The following L3MBTL4 variants were observed in gnomAD, a reference collection of about 807,000 sequenced individuals.
The protein encoded by L3MBTL4 is lethal(3)malignant brain tumor-like protein 4.
A neutral mutation model predicts 84.5 loss-of-function variants in L3MBTL4; 70 were observed. The observed-to-expected ratio is 0.83, with a 90% CI of 0.68 to 1.01. The LOEUF is 1.01. Among genes scored for constraint, L3MBTL4 ranks in the 50% least tolerant of loss-of-function variants. The pLI is 0.00. For synonymous variants in L3MBTL4, 274 were observed against 259.8 expected, an observed-to-expected ratio of 1.05 and a Z score of -0.52; for missense variants, 715 against 754.8, an observed-to-expected ratio of 0.95 and a Z score of 0.62.
intron 16 of L3MBTL4, among the ~76,000 whole-genome samples, chr18:5,990,052 A>G (rs747825354): frequency 8.5e-5 from 13 of 152,332 alleles, no homozygotes; most frequent in Admixed American, 5.2e-4. Flanking sequence ...CCTCAAGATA[A>G]GCAGGCTCAA....
intron 14 of L3MBTL4, among the ~76,000 whole-genome samples, chr18:6,099,584 A>AC (rs1412679104): frequency 1.9e-5 from 1 of 53,152 alleles, no homozygotes; most frequent in Non-Finnish European, 3.1e-5. Context: ...TAGATAATGT[A>AC]AATATATATA....
chr18:6,324,642 G>A (rs553752530), intron 1 of L3MBTL4, among the ~76,000 whole-genome samples: 114 of 152,314 alleles, frequency 7.5e-4, no homozygotes, highest in Admixed American at 1.6e-3. Flanking sequence ...TCACGCTTTA[G>A]TTAGCCTCTG....
intron 13 of L3MBTL4, among the ~76,000 whole-genome samples, chr18:6,169,282 G>T (rs1021853625): frequency 5.5e-4 from 83 of 152,228 alleles, no homozygotes; most frequent in Admixed American, 8.5e-4. Context: ...AATTCCTCAG[G>T]GATCTGGAAC....
chr18:6,237,542 G>A (rs370060300), intron 10 of L3MBTL4, among the ~76,000 whole-genome samples: 6 of 128,914 alleles, frequency 4.7e-5, no homozygotes, highest in East Asian at 5.3e-4. Context: ...TGCAACCTCC[G>A]CCTCCCAGGT....
At chr18:6,016,651 C>T (rs2054995811) in intron 16 of L3MBTL4, among the ~76,000 whole-genome samples, 1 of 152,172 alleles carries the variant, frequency 6.6e-6, no homozygotes, top group Non-Finnish European at 1.5e-5. Context: ...TCTGAGTCTC[C>T]AAAGTCTATT....
At chr18:6,163,272 G>GGGGGGT (rs1243686744) in intron 13 of L3MBTL4, among the ~76,000 whole-genome samples, 3 of 94,816 alleles carry the variant, frequency 3.2e-5, no homozygotes, top group Non-Finnish European at 6.1e-5. Flanking sequence ...GGGGGGGGTG[G>GGGGGGT]GTGTGTGTGT....
At chr18:6,311,960 G>T in intron 2 of L3MBTL4, 38 bp downstream of exon 2, 1 of 243,170 alleles carries the variant, frequency 4.1e-6, no homozygotes, top group South Asian at 5.7e-5. Context: ...AACCAATTAG[G>T]ATTCACTGCA....
intron 12 of L3MBTL4, among the ~76,000 whole-genome samples, chr18:6,205,791 G>C (rs899379503): frequency 1.3e-5 from 2 of 152,184 alleles, no homozygotes; most frequent in African/African-American, 4.8e-5. Flanking sequence ...TAAAAATAGA[G>C]TGCCTACAAA....
intron 16 of L3MBTL4, among the ~76,000 whole-genome samples, chr18:6,077,811 A>G (rs993075909): frequency 4.6e-5 from 7 of 151,622 alleles, no homozygotes; most frequent in African/African-American, 1.7e-4. Context: ...TCAGTGGATC[A>G]CGAGGTCAGG....
chr18:6,169,268 T>C (rs1055924682), intron 13 of L3MBTL4, among the ~76,000 whole-genome samples: 3 of 152,194 alleles, frequency 2.0e-5, no homozygotes, highest in Non-Finnish European at 4.4e-5. Context: ...GAAGACAGGG[T>C]GGCAATTCCT....
chr18:5,978,099 G>C (rs144702860), intron 16 of L3MBTL4, among the ~76,000 whole-genome samples: 116 of 152,314 alleles, frequency 7.6e-4, no homozygotes, highest in Non-Finnish European at 1.4e-3. Flanking sequence ...GTACTGCAGG[G>C]ATAGATAAGG....
intron 16 of L3MBTL4, among the ~76,000 whole-genome samples, chr18:5,998,765 G>A (rs1467321283): frequency 2.0e-5 from 3 of 152,022 alleles, no homozygotes; most frequent in Non-Finnish European, 4.4e-5. Flanking sequence ...GGATCCCTAA[G>A]GGTCAGGTAA....
chr18:6,128,533 G>C (rs1174361030), intron 14 of L3MBTL4, among the ~76,000 whole-genome samples: 1 of 152,016 alleles, frequency 6.6e-6, no homozygotes, highest in African/African-American at 2.4e-5. Context: ...TCCCATGGGT[G>C]GATTTAAATT....
intron 10 of L3MBTL4, among the ~76,000 whole-genome samples, chr18:6,237,531 C>T (rs1204216378): frequency 7.0e-6 from 1 of 143,782 alleles, no homozygotes; most frequent in Admixed American, 7.1e-5. Context: ...TCTCGGCTCA[C>T]TGCAACCTCC....
At chr18:6,221,025 GT>G (rs566555960) in intron 10 of L3MBTL4, among the ~76,000 whole-genome samples, 29 of 151,444 alleles carry the variant, frequency 1.9e-4, no homozygotes, top group Admixed American at 2.0e-4. Context: ...ATACTCCTCA[GT>G]TTTTTTTTCC....
intron 1 of L3MBTL4, among the ~76,000 whole-genome samples, chr18:6,394,632 A>C (rs2055197369): frequency 6.6e-6 from 1 of 152,120 alleles, no homozygotes; most frequent in South Asian, 2.1e-4. Flanking sequence ...AATGCCTGAC[A>C]CACGCCAGGC....
Position 6,398,458 on chromosome 18 carries a change from C to T in L3MBTL4, c.-91+16343G>A, listed in dbSNP as rs562363070. Among the ~76,000 whole-genome samples the T allele has an allele frequency of 2.6e-5, 4 of 152,262 alleles. No individual in the cohort carries two copies. In the South Asian group the frequency reaches 8.3e-4, roughly 32 times the overall value. On this transcript the variant is annotated intron_variant, in intron 1 of 18. Coordinates refer to ENST00000317931, the MANE Select transcript of L3MBTL4 (RefSeq NM_001330559.2). ...GGGTTCAAAATGCCAACAGCAAGGA[C>T]AAGGGCTGCCTGGGATCACGTCAGG...
chr18:6,316,541 C>T (rs2051109494), intron 1 of L3MBTL4, among the ~76,000 whole-genome samples: 1 of 152,164 alleles, frequency 6.6e-6, no homozygotes, highest in African/African-American at 2.4e-5. Flanking sequence ...GCTTCTCCCA[C>T]AAGAGCTTGA....
intron 15 of L3MBTL4, among the ~76,000 whole-genome samples, chr18:6,086,396 T>C (rs1405825826): frequency 6.6e-6 from 1 of 152,202 alleles, no homozygotes; most frequent in Admixed American, 6.5e-5. Flanking sequence ...TAAAATTCTT[T>C]ACGAGAATCA....
Sources: gnomAD v4.1 joint callset for allele counts (sites outside exome capture counted in the v4.1 genomes callset) on GRCh38, gnomAD v4.1.1 for gene constraint, MANE v1.5 for transcripts, NCBI Gene and HGNC (gene_info 2026-07-23, HGNC 2026-07-21) for gene names.